The following MACO1 variants were observed in gnomAD, a reference collection of about 807,000 sequenced individuals.
MACO1 encodes macoilin.
MACO1 carries 14 observed loss-of-function variants against 78.7 expected under a neutral mutation model. That is an observed-to-expected ratio of 0.18 (90% confidence interval 0.12 to 0.28). The LOEUF (loss-of-function observed/expected upper bound fraction) is 0.28, where lower values mean the gene tolerates loss of function less well. MACO1 is among the 10% of genes least tolerant of loss of function. MACO1 has a pLI of 1.00. For synonymous variants in MACO1, 288 were observed against 291.6 expected (o/e 0.99, Z 0.12); for missense variants, 501 against 799.0 (o/e 0.63, Z 4.50).
chr1:25,482,239 A>C (rs980871871), intron 6 of MACO1, among the ~76,000 whole-genome samples: 9 of 152,344 alleles, frequency 5.9e-5, no homozygotes, highest in Non-Finnish European at 1.2e-4. Context: ...TCTTCTAAAT[A>C]AATATTGTTA....
chr1:25,455,747 T>C (rs746608416), intron 4 of MACO1, among the ~76,000 whole-genome samples: 1 of 152,186 alleles, frequency 6.6e-6, no homozygotes, highest in Non-Finnish European at 1.5e-5. Flanking sequence ...GATTCTTGAA[T>C]TTATGTATGA....
chr1:25,476,928 G>C (rs1005395969), intron 6 of MACO1, among the ~76,000 whole-genome samples: 3 of 152,330 alleles, frequency 2.0e-5, no homozygotes, highest in Middle Eastern at 3.4e-3. Context: ...TGTGAGCACT[G>C]AGGAGATAGA....
intron 3 of MACO1, among the ~76,000 whole-genome samples, chr1:25,449,756 C>T (rs1031120775): frequency 1.3e-5 from 2 of 152,324 alleles, no homozygotes; most frequent in South Asian, 2.1e-4. Context: ...CAGTGGCTCA[C>T]GCCTGTAATC....
chr1:25,461,658 CTT>C (rs2043173664), intron 6 of MACO1, among the ~76,000 whole-genome samples: 1 of 151,968 alleles, frequency 6.6e-6, no homozygotes, highest in Non-Finnish European at 1.5e-5. Flanking sequence ...ATTTGATAAA[CTT>C]TTCATATAGA....
chr1:25,489,215 A>G lies in MACO1; in HGVS notation c.1539A>G (p.Leu513=). 2 of 1,614,130 alleles carry G rather than the reference A, an allele frequency of 1.2e-6. No homozygotes were observed. Among genetic ancestry groups the G allele is most frequent in the Non-Finnish European group, 1.7e-6 (2 of 1,180,002 alleles). ...CCTTACGGAATCGGATCAGAGAACT[A>G]GAAGCAGAGGGCAAGAAGCTCACGA... is the stretch of plus-strand genomic sequence containing the variant. ...TETLRNRIRE[L]EAEGKKLTMD... Residue 513 remains leucine, a synonymous_variant, in exon 9 of 11, where the codon CTA becomes CTG. Transcript: ENST00000374343.
intron 1 of MACO1, among the ~76,000 whole-genome samples, chr1:25,443,230 G>A (rs1003258201): frequency 6.6e-6 from 1 of 152,196 alleles, no homozygotes; most frequent in Admixed American, 6.5e-5. Context: ...TGTACCTACA[G>A]AAGGATAAGA....
Position 25,485,602 on chromosome 1 carries a change from T to C in MACO1, c.1314-11T>C, listed in dbSNP as rs1253122691. 2 of 1,604,904 alleles carry C rather than the reference T, an allele frequency of 1.2e-6. No individual in the cohort carries two copies. On this transcript the variant is annotated splice_polypyrimidine_tract_variant and intron_variant, in intron 7 of 10. Transcript: ENST00000374343. This position sits in a 1 kb window ranked among gnomAD's most constrained non-coding sequence, Gnocchi z 4.3. ...ATTTTAAGACTTTATATGACAATCA[T>C]TTCCATATAGGTTACATAATGCTGT...
Position 25,458,467 on chromosome 1 carries a change from C to G in MACO1, c.729C>G (p.Leu243=). The change falls in exon 6 of 11, where the codon CTC becomes CTG. Residue 243 remains leucine (L), a synonymous_variant. Transcript: ENST00000374343. ...GAGGTATCCCAGCCAACAAAAAACT[C>G]TCCACAACTTTGCCAGAGATAGAAT... ...HNGGIPANKK[L]STTLPEIEYR... 1 of 1,613,564 alleles carries G rather than the reference C, an allele frequency of 6.2e-7. No individual in the cohort carries two copies. The highest frequency in any genetic ancestry group is 8.5e-7 in the Non-Finnish European group (1 of 1,179,870).
At chr1:25,449,756 C>A (rs1031120775) in intron 3 of MACO1, among the ~76,000 whole-genome samples, 1 of 152,206 alleles carries the variant, frequency 6.6e-6, no homozygotes, top group Non-Finnish European at 1.5e-5. Flanking sequence ...CAGTGGCTCA[C>A]GCCTGTAATC....
At chr1:25,478,252 T>A (rs66566426) in intron 6 of MACO1, among the ~76,000 whole-genome samples, 65,267 of 151,620 alleles carry the variant, frequency 0.43, 14,984 homozygotes, top group East Asian at 0.73. Context: ...CTCAAAAAAA[T>A]TTTTTCAATA....
At chr1:25,440,146 G>A (rs2042956803) in intron 1 of MACO1, among the ~76,000 whole-genome samples, 1 of 151,244 alleles carries the variant, frequency 6.6e-6, no homozygotes, top group Non-Finnish European at 1.5e-5. Flanking sequence ...CCAACACTTT[G>A]GGAGGTCAAG....
chr1:25,480,759 C>T (rs2043364510), intron 6 of MACO1, among the ~76,000 whole-genome samples: 1 of 151,412 alleles, frequency 6.6e-6, no homozygotes, highest in South Asian at 2.1e-4. Context: ...GGCGAAACCT[C>T]GTCTCTACTA....
chr1:25,451,751 C>A (rs1466686950), intron 3 of MACO1, among the ~76,000 whole-genome samples: 3 of 151,728 alleles, frequency 2.0e-5, no homozygotes, highest in African/African-American at 7.3e-5. Context: ...ACTAAAAATA[C>A]AAAAATTAGC....
At position 25,454,254 on chromosome 1, in the gene MACO1, C is replaced by G; in HGVS notation, c.350-5C>G. ...AATGCTTGCCTCTCTGCTGCTTTCT[C>G]ACAGAAAGGGGAGTGTGTTTGCCTA... On this transcript the variant is annotated splice_region_variant and splice_polypyrimidine_tract_variant and intron_variant, in intron 3 of 10. Coordinates refer to ENST00000374343, the MANE Select transcript of MACO1 (RefSeq NM_018202.6). The G allele has an allele frequency of 1.3e-6, 2 of 1,578,566 alleles. No individual in the cohort carries two copies. The highest frequency in any genetic ancestry group is 1.7e-6 in the Non-Finnish European group (2 of 1,162,274).
chr1:25,469,208 A>C (rs2043245880), intron 6 of MACO1, among the ~76,000 whole-genome samples: 1 of 152,180 alleles, frequency 6.6e-6, no homozygotes, highest in Non-Finnish European at 1.5e-5. Flanking sequence ...AATCTAGAGA[A>C]ATATTTTTAG....
At chr1:25,441,910 C>A (rs1331112436) in intron 1 of MACO1, among the ~76,000 whole-genome samples, 1 of 152,168 alleles carries the variant, frequency 6.6e-6, no homozygotes, top group Non-Finnish European at 1.5e-5. Flanking sequence ...GACAGTCAAC[C>A]ATTTGGTGAT....
chr1:25,460,879 C>G (rs1230095216), intron 6 of MACO1, among the ~76,000 whole-genome samples: 2 of 152,054 alleles, frequency 1.3e-5, no homozygotes, highest in African/African-American at 4.8e-5. Flanking sequence ...GAACTACTTA[C>G]TATCAAATGA....
intron 6 of MACO1, among the ~76,000 whole-genome samples, chr1:25,472,642 C>A (rs1168672003): frequency 6.6e-6 from 1 of 152,188 alleles, no homozygotes; most frequent in Non-Finnish European, 1.5e-5. Context: ...GCTTTGAATG[C>A]ATTTTGCTTG....
chr1:25,483,890 C>T (rs1252045479), intron 6 of MACO1, among the ~76,000 whole-genome samples: 2 of 152,160 alleles, frequency 1.3e-5, no homozygotes, highest in African/African-American at 4.8e-5. Context: ...TATTCATAAA[C>T]AGGGGGAAGT....
Sources: allele counts gnomAD v4.1 joint callset (sites outside exome capture counted in the v4.1 genomes callset), GRCh38; gene constraint gnomAD v4.1.1; non-coding constraint Gnocchi (gnomAD v3.1); transcripts MANE v1.5; gene names NCBI Gene and HGNC (gene_info 2026-07-23, HGNC 2026-07-21).